The following FOCAD variants were observed in gnomAD, a reference collection of about 807,000 sequenced individuals.
FOCAD encodes the protein KIAA1797.
In FOCAD, 198 loss-of-function variants were observed where a neutral mutation model predicts 225.6. The ratio of observed to expected loss-of-function variants is 0.88; its 90% CI spans 0.78 to 0.99. FOCAD has a LOEUF of 0.99. Among genes scored for constraint, FOCAD ranks in the 50% least tolerant of loss-of-function variants. The pLI, the probability that FOCAD is intolerant of heterozygous loss-of-function variation, is 0.00. For synonymous variants in FOCAD, 897 were observed against 755.0 expected, an observed-to-expected ratio of 1.19 and a Z score of -3.08; for missense variants, 2,713 against 2,123.6, an observed-to-expected ratio of 1.28 and a Z score of -5.46.
intron 6 of FOCAD, among the ~76,000 whole-genome samples, chr9:20,758,504 A>C: frequency 1.4e-5 from 2 of 140,886 alleles, no homozygotes; most frequent in East Asian, 2.5e-4. Context: ...TCCTAATGCT[A>C]TCCCTCCCCC....
intron 28 of FOCAD, among the ~76,000 whole-genome samples, chr9:20,942,377 A>C (rs185407087): frequency 1.3e-5 from 2 of 152,340 alleles, no homozygotes; most frequent in East Asian, 1.9e-4. Flanking sequence ...CAAGACTTAC[A>C]TACTTCCTTG....
intron 25 of FOCAD, among the ~76,000 whole-genome samples, chr9:20,924,438 C>T (rs1380160498): frequency 6.6e-6 from 1 of 152,152 alleles, no homozygotes; most frequent in Non-Finnish European, 1.5e-5. Context: ...GTAGCAATTT[C>T]CTCTTTCAGA....
chr9:20,808,067 C>T (rs1001263050), intron 11 of FOCAD, among the ~76,000 whole-genome samples: 2 of 151,568 alleles, frequency 1.3e-5, no homozygotes, highest in Non-Finnish European at 2.9e-5. Flanking sequence ...AAAGAAAGAA[C>T]GAAATACTCC....
At chr9:20,857,871 C>T (rs571384076) in intron 15 of FOCAD, among the ~76,000 whole-genome samples, 19 of 147,732 alleles carry the variant, frequency 1.3e-4, no homozygotes, top group Non-Finnish European at 2.2e-4. Flanking sequence ...CTTTGTCCTT[C>T]ATTCTGATAT....
chr9:20,756,959 T>G (rs1343245894), intron 5 of FOCAD, among the ~76,000 whole-genome samples: 2 of 152,224 alleles, frequency 1.3e-5, no homozygotes, highest in Admixed American at 1.3e-4. Flanking sequence ...GATGGAGTTT[T>G]GCTCTTGTTG....
intron 5 of FOCAD, among the ~76,000 whole-genome samples, chr9:20,744,057 T>A (rs1366855875): frequency 1.3e-5 from 2 of 152,008 alleles, no homozygotes; most frequent in African/African-American, 4.8e-5. Flanking sequence ...CAAGCCAACT[T>A]TGGATGCTAG....
intron 16 of FOCAD, among the ~76,000 whole-genome samples, chr9:20,864,167 T>A (rs1444386483): frequency 6.6e-6 from 1 of 152,058 alleles, no homozygotes; most frequent in Admixed American, 6.6e-5. Context: ...TGTGTTTAGA[T>A]AATTGGTTTT....
rs1376195960 is a variant in FOCAD at position 20,778,584 on chromosome 9, T to C, written c.907-97T>C. The C allele has an allele frequency of 2.6e-5, 17 of 650,638 alleles. No individual in the cohort carries two copies. In the South Asian group the frequency reaches 3.1e-4, roughly 12 times the overall value. 40.3% of individuals were successfully genotyped at this position (650,638 alleles called of 1,614,324 possible). On this transcript the variant is annotated intron_variant, in intron 8 of 43. Transcript: ENST00000338382. ...ATAAATTTGTGTAATAGGCTTGCAG[T>C]CTTTCATATTAAATATATTCTTCCT...
chr9:20,798,012 A>T (rs201041347), intron 11 of FOCAD, among the ~76,000 whole-genome samples: 41,033 of 151,902 alleles, frequency 0.27, 5,725 homozygotes, highest in South Asian at 0.35. Flanking sequence ...TCATTTTTAG[A>T]TATGTCCCAT....
intron 35 of FOCAD, among the ~76,000 whole-genome samples, chr9:20,959,195 T>G (rs1838473838): frequency 6.6e-6 from 1 of 152,288 alleles, no homozygotes; most frequent in East Asian, 1.9e-4. Flanking sequence ...CAACAGCATT[T>G]GCTGTTTTTT....
Position 20,677,601 on chromosome 9 carries a change from T to C in FOCAD, c.-77-16919T>C, listed in dbSNP as rs1355833819. On this transcript the variant is annotated intron_variant, in intron 2 of 45. Transcript: ENST00000380249. ...AAGACATACAAATGGCCAATAGATATAGGAAAAAATGCTCAACATCAGTAA... is the reference window on the plus strand; with the variant it reads ...AAGACATACAAATGGCCAATAGATACAGGAAAAAATGCTCAACATCAGTAA... Among the ~76,000 whole-genome samples, 5 of 151,316 alleles carry C rather than the reference T, an allele frequency of 3.3e-5. No homozygotes were observed. In the East Asian group the frequency reaches 5.8e-4, roughly 17 times the overall value.
intron 5 of FOCAD, among the ~76,000 whole-genome samples, chr9:20,744,977 C>T (rs532314856): frequency 3.3e-5 from 5 of 152,268 alleles, no homozygotes; most frequent in Non-Finnish European, 5.9e-5. Flanking sequence ...TACTAATTAA[C>T]ATTTTTTTAA....
At chr9:20,995,358 C>T (rs549009359) in intron 43 of FOCAD, among the ~76,000 whole-genome samples, 198 bp from the exon 44 acceptor site, 1 of 65,296 alleles carries the variant, frequency 1.5e-5, no homozygotes, top group Admixed American at 1.5e-4. Flanking sequence ...TGCAGGGTAA[C>T]TTAAAAAAAA....
chr9:20,804,709 A>G lies in FOCAD; in HGVS notation c.1456-15087A>G, dbSNP rs79584555. Among the ~76,000 whole-genome samples the G allele has an allele frequency of 3.3e-4, 50 of 152,248 alleles. No homozygotes were observed. In the East Asian group the frequency reaches 6.9e-3, roughly 21 times the overall value. ...ACTGGTGAATAGTAACACAAGATCTATTACCGTTATTAGAGACTCTGGAGG... is the reference window on the plus strand; with the variant it reads ...ACTGGTGAATAGTAACACAAGATCTGTTACCGTTATTAGAGACTCTGGAGG... On this transcript the variant is annotated intron_variant, in intron 11 of 43. Coordinates refer to ENST00000338382, the MANE Select transcript of FOCAD (RefSeq NM_001375567.1).
At chr9:20,740,043 A>C (rs1827480744) in intron 4 of FOCAD, among the ~76,000 whole-genome samples, 193 bp from the exon 5 acceptor site, 1 of 152,150 alleles carries the variant, frequency 6.6e-6, no homozygotes, top group Non-Finnish European at 1.5e-5. Flanking sequence ...TTGATTCTTT[A>C]GCTCCATTTC....
At chr9:20,681,229 C>T (rs562334378), upstream of FOCAD, among the ~76,000 whole-genome samples, 1 of 152,056 alleles carries the variant, frequency 6.6e-6, no homozygotes, top group Non-Finnish European at 1.5e-5. Context: ...ACAAGTATAA[C>T]CTATTATCAT....
intron 1 of FOCAD, among the ~76,000 whole-genome samples, chr9:20,696,007 C>T (rs1033695798): frequency 2.0e-5 from 3 of 152,200 alleles, no homozygotes; most frequent in African/African-American, 7.2e-5. Flanking sequence ...GTAAATTGAG[C>T]TTCCAAGAAT....
At chr9:20,698,153 A>G (rs1823532433) in intron 1 of FOCAD, among the ~76,000 whole-genome samples, 1 of 152,232 alleles carries the variant, frequency 6.6e-6, no homozygotes, top group Admixed American at 6.5e-5. Context: ...TTATTTGAGG[A>G]GAATTAATTT....
At chr9:20,658,064 G>C (rs75557199), upstream of FOCAD, among the ~76,000 whole-genome samples, 2 of 132,980 alleles carry the variant, frequency 1.5e-5, no homozygotes, top group South Asian at 2.6e-4. Context: ...GCCCCTGCTG[G>C]GGGGTGCCTC....
Sources: gnomAD v4.1 joint callset for allele counts (sites outside exome capture counted in the v4.1 genomes callset) on GRCh38, gnomAD v4.1.1 for gene constraint, MANE v1.5 for transcripts, NCBI Gene and HGNC (gene_info 2026-07-23, HGNC 2026-07-21) for gene names.